Variants in ROBO2 observed in about 807,000 individuals in gnomAD.
ROBO2 encodes roundabout homolog 2.
ROBO2 carries 53 observed loss-of-function variants against 160.8 expected under a neutral mutation model. The observed-to-expected ratio is 0.33, with a 90% confidence interval of 0.26 to 0.41. The LOEUF (loss-of-function observed/expected upper bound fraction) is 0.41. Ranked by LOEUF, ROBO2 falls within the 10% of genes least tolerant of loss-of-function variation. The pLI is 1.00. For synonymous variants in ROBO2, 664 were observed against 611.7 expected, an observed-to-expected ratio of 1.09 and a Z score of -1.26; for missense variants, 1,577 against 1,722.4, an observed-to-expected ratio of 0.92 and a Z score of 1.49.
In ROBO2 at chr3:76,943,244, G is replaced by A. The variant is rs553454891; in HGVS notation, c.110-154770G>A. ...GCTACCTCAGAGGACTGGCATTTGC[G>A]CTGGGGAATTCCCTTCCATGAGCCT... is the stretch of plus-strand genomic sequence containing the variant. On this transcript the variant is annotated intron_variant, in intron 2 of 26. Transcript: ENST00000487694. 3.3e-5 allele frequency among the ~76,000 whole-genome samples: 5 copies of A among 152,112 alleles called. No individual in the cohort carries two copies. In the East Asian group the frequency reaches 5.8e-4, roughly 18 times the overall value.
At chr3:77,368,056 A>T (rs944272934) in intron 2 of ROBO2, among the ~76,000 whole-genome samples, 3 of 152,182 alleles carry the variant, frequency 2.0e-5, no homozygotes, top group Non-Finnish European at 2.9e-5. Flanking sequence ...GAATTTTCAC[A>T]TCAAGTAAAC....
chr3:77,506,051 A>G (rs1222926973), intron 5 of ROBO2, among the ~76,000 whole-genome samples: 1 of 152,134 alleles, frequency 6.6e-6, no homozygotes, highest in African/African-American at 2.4e-5. Flanking sequence ...GACAGTGAAA[A>G]ACATGCTCAA....
intron 2 of ROBO2, among the ~76,000 whole-genome samples, chr3:77,352,173 A>G (rs1302770528): frequency 6.6e-6 from 1 of 151,834 alleles, no homozygotes; most frequent in East Asian, 2.0e-4. Context: ...CTTATTTTAA[A>G]CTCGGTGCAA....
chr3:76,521,508 T>C (rs1048096229), intron 2 of ROBO2, among the ~76,000 whole-genome samples: 1 of 152,084 alleles, frequency 6.6e-6, no homozygotes, highest in African/African-American at 2.4e-5. Flanking sequence ...TGAAAACAGA[T>C]TTATCTGGGT....
intron 8 of ROBO2, among the ~76,000 whole-genome samples, chr3:77,557,004 C>T (rs891273134): frequency 5.3e-5 from 8 of 151,866 alleles, no homozygotes; most frequent in East Asian, 1.9e-4. Flanking sequence ...ATCTTACCTC[C>T]GGTCAACTCT....
chr3:75,995,756 C>T (rs573677585), intron 2 of ROBO2, among the ~76,000 whole-genome samples: 1 of 152,286 alleles, frequency 6.6e-6, no homozygotes, highest in African/African-American at 2.4e-5. Context: ...AGGGGTTGTA[C>T]CCTGAAAAGC....
chr3:77,049,021 A>T (rs756084309), intron 1 of ROBO2, among the ~76,000 whole-genome samples: 8 of 152,116 alleles, frequency 5.3e-5, no homozygotes, highest in Non-Finnish European at 4.4e-5. Context: ...ATATCTGAGA[A>T]TTTTTAAAGA....
chr3:76,817,916 A>G (rs1282322627), intron 2 of ROBO2, among the ~76,000 whole-genome samples: 1 of 149,920 alleles, frequency 6.7e-6, no homozygotes, highest in Non-Finnish European at 1.5e-5. Flanking sequence ...TGGACATTTC[A>G]GGTGGCTCCG....
At chr3:76,699,741 A>T (rs1182637934) in intron 2 of ROBO2, among the ~76,000 whole-genome samples, 1 of 152,140 alleles carries the variant, frequency 6.6e-6, no homozygotes, top group Non-Finnish European at 1.5e-5. Flanking sequence ...AGTCTTTGCA[A>T]GGTTATGTTT....
At chr3:75,937,778 G>T (rs1003509746) in intron 2 of ROBO2, among the ~76,000 whole-genome samples, 1 of 148,916 alleles carries the variant, frequency 6.7e-6, no homozygotes, top group African/African-American at 2.5e-5. Context: ...AATTATGTGT[G>T]AGTAAATGCA....
At chr3:76,540,034 C>A (rs1175559580) in intron 2 of ROBO2, among the ~76,000 whole-genome samples, 2 of 152,012 alleles carry the variant, frequency 1.3e-5, no homozygotes, top group African/African-American at 4.8e-5. Context: ...AAGGACACTC[C>A]AAGAATGCAG....
chr3:76,557,963 C>T (rs370033188), intron 2 of ROBO2, among the ~76,000 whole-genome samples: 9 of 150,928 alleles, frequency 6.0e-5, no homozygotes, highest in African/African-American at 1.9e-4. Flanking sequence ...AGTTATCATG[C>T]GGATAATGGG....
chr3:75,912,062 T>C (rs1946620668), intron 1 of ROBO2, among the ~76,000 whole-genome samples: 1 of 152,314 alleles, frequency 6.6e-6, no homozygotes, highest in South Asian at 2.1e-4. Flanking sequence ...TCAAATGCAA[T>C]GTCAGTCTTG....
intron 2 of ROBO2, among the ~76,000 whole-genome samples, chr3:76,118,310 C>G (rs887676997): frequency 3.3e-5 from 5 of 152,178 alleles, no homozygotes; most frequent in African/African-American, 9.7e-5. Context: ...TGGAGCACTG[C>G]TCAGCAAACT....
chr3:76,713,559 T>C (rs912664418), intron 2 of ROBO2, among the ~76,000 whole-genome samples: 1 of 152,166 alleles, frequency 6.6e-6, no homozygotes, highest in African/African-American at 2.4e-5. Context: ...ATAATTCACT[T>C]TTTAAAAACT....
intron 2 of ROBO2, among the ~76,000 whole-genome samples, chr3:77,359,724 G>T (rs986168397): frequency 1.3e-5 from 2 of 152,112 alleles, no homozygotes; most frequent in South Asian, 4.1e-4. Context: ...TTTCACTCAG[G>T]TTGGAGTGCA....
chr3:75,941,260 A>C (rs1948041984), intron 2 of ROBO2, among the ~76,000 whole-genome samples: 1 of 152,112 alleles, frequency 6.6e-6, no homozygotes, highest in African/African-American at 2.4e-5. Flanking sequence ...CTGGCTCAAA[A>C]ATATTTCTGT....
At chr3:76,586,725 G>C (rs1213318001) in intron 2 of ROBO2, among the ~76,000 whole-genome samples, 3 of 152,166 alleles carry the variant, frequency 2.0e-5, no homozygotes, top group African/African-American at 4.8e-5. Flanking sequence ...ATTTCCTCTT[G>C]AGTGTTGGAT....
At chr3:76,981,653 A>G (rs1289034581) in intron 2 of ROBO2, among the ~76,000 whole-genome samples, 1 of 152,208 alleles carries the variant, frequency 6.6e-6, no homozygotes, top group Non-Finnish European at 1.5e-5. Context: ...TTGCATTGCT[A>G]TAAAGAAATA....
Sources: allele counts gnomAD v4.1 joint callset (sites outside exome capture counted in the v4.1 genomes callset), GRCh38; gene constraint gnomAD v4.1.1; transcripts MANE v1.5; gene names NCBI Gene and HGNC (gene_info 2026-07-23, HGNC 2026-07-21).